The following ADARB2 variants were observed in gnomAD, a reference collection of about 807,000 sequenced individuals.
ADARB2 encodes the protein inactive double-stranded RNA-specific editase B2.
ADARB2 carries 25 observed loss-of-function variants against 62.2 expected under a neutral mutation model. The observed-to-expected ratio is 0.40, with a 90% CI of 0.29 to 0.56. The LOEUF (loss-of-function observed/expected upper bound fraction) is 0.56. Ranked by LOEUF, ADARB2 falls within the 20% of genes least tolerant of loss-of-function variation. The probability of loss-of-function intolerance (pLI) is 0.43; values close to 1 mark genes in which losing one functional copy is unlikely to be tolerated. For missense variants in ADARB2, 1,071 were observed against 1,077.4 expected (o/e 0.99, Z 0.08); for synonymous variants, 572 against 500.8 (o/e 1.14, Z -1.90).
intron 3 of ADARB2, among the ~76,000 whole-genome samples, chr10:1,308,016 C>A (rs1323596106): frequency 1.3e-5 from 2 of 148,748 alleles, no homozygotes; most frequent in African/African-American, 5.0e-5. Flanking sequence ...ACCAGCATGG[C>A]ACATGTATAC....
intron 1 of ADARB2, among the ~76,000 whole-genome samples, chr10:1,697,684 A>G (rs1031042224): frequency 1.3e-5 from 2 of 152,136 alleles, no homozygotes; most frequent in Non-Finnish European, 2.9e-5. Flanking sequence ...CTCCCTCTGC[A>G]TGCTCCCAGG....
intron 1 of ADARB2, among the ~76,000 whole-genome samples, chr10:1,442,970 A>C (rs1830923052): frequency 6.6e-6 from 1 of 152,236 alleles, no homozygotes; most frequent in Admixed American, 6.5e-5. Flanking sequence ...AGTAAAGTAA[A>C]TGAGATGGGA....
At chr10:1,380,013 A>G (rs34788429) in intron 1 of ADARB2, among the ~76,000 whole-genome samples, 42,205 of 152,212 alleles carry the variant, frequency 0.28, 6,929 homozygotes, top group Non-Finnish European at 0.37. Context: ...AAAGGGATCC[A>G]AAAGAAAAGC....
chr10:1,374,622 G>A (rs1233917342), intron 2 of ADARB2, among the ~76,000 whole-genome samples: 1 of 152,276 alleles, frequency 6.6e-6, no homozygotes, highest in Non-Finnish European at 1.5e-5. Context: ...CCCTCTGCCC[G>A]CCGTATGCAG....
intron 1 of ADARB2, among the ~76,000 whole-genome samples, chr10:1,526,129 A>G (rs1320856747): frequency 6.6e-6 from 1 of 152,032 alleles, no homozygotes; most frequent in African/African-American, 2.4e-5. Flanking sequence ...CCTTGTTCTA[A>G]GGCAGCAGGG....
At chr10:1,220,024 ATGG>A (rs1445086643) in intron 6 of ADARB2, among the ~76,000 whole-genome samples, 8 of 127,292 alleles carry the variant, frequency 6.3e-5, no homozygotes, top group Admixed American at 2.3e-4. Context: ...GATGGTGATG[ATGG>A]TGGTGATGAT....
chr10:1,609,897 C>T (rs532106882), intron 1 of ADARB2, among the ~76,000 whole-genome samples: 3 of 152,334 alleles, frequency 2.0e-5, no homozygotes, highest in South Asian at 2.1e-4. Flanking sequence ...AATAGCAGGG[C>T]GCTGACAGTC....
At chr10:1,299,721 C>T (rs546441666) in intron 3 of ADARB2, among the ~76,000 whole-genome samples, 2 of 152,174 alleles carry the variant, frequency 1.3e-5, no homozygotes, top group Non-Finnish European at 2.9e-5. Context: ...ACTCTTCTGC[C>T]CCTGGGCTTC....
chr10:1,442,601 A>G (rs1206623359), intron 1 of ADARB2, among the ~76,000 whole-genome samples: 1 of 152,208 alleles, frequency 6.6e-6, no homozygotes, highest in African/African-American at 2.4e-5. Context: ...CCCCGACAAT[A>G]AACATTCTTA....
chr10:1,287,313 T>A (rs1831422870), intron 3 of ADARB2, among the ~76,000 whole-genome samples: 8 of 152,256 alleles, frequency 5.3e-5, no homozygotes. Context: ...ATGTGATGTC[T>A]TGATACATAT....
intron 1 of ADARB2, among the ~76,000 whole-genome samples, chr10:1,594,474 C>G (rs1833305499): frequency 6.6e-6 from 1 of 152,088 alleles, no homozygotes; most frequent in South Asian, 2.1e-4. Flanking sequence ...CAGGGCCTTT[C>G]CACCCAGTCT....
intron 1 of ADARB2, among the ~76,000 whole-genome samples, chr10:1,422,960 G>A (rs576543108): frequency 2.0e-5 from 3 of 152,148 alleles, no homozygotes; most frequent in African/African-American, 7.2e-5. Flanking sequence ...GCACCCACCT[G>A]TCTGGTTCTT....
chr10:1,390,952 A>G (rs540309458), intron 1 of ADARB2, among the ~76,000 whole-genome samples: 1 of 152,316 alleles, frequency 6.6e-6, no homozygotes, highest in South Asian at 2.1e-4. Flanking sequence ...TACAGAAAAA[A>G]CAGGATATAC....
At chr10:1,431,957 C>T (rs1830780961) in intron 1 of ADARB2, among the ~76,000 whole-genome samples, 1 of 152,058 alleles carries the variant, frequency 6.6e-6, no homozygotes, top group South Asian at 2.1e-4. Context: ...TTAAAATCTC[C>T]CAGGAAAGAA....
intron 4 of ADARB2, among the ~76,000 whole-genome samples, chr10:1,246,051 CTCAT>C (rs1437962754): frequency 2.0e-5 from 3 of 151,626 alleles, no homozygotes; most frequent in Non-Finnish European, 4.4e-5. Flanking sequence ...GAGATGGTAT[CTCAT>C]TGTGGTTTTG....
At chr10:1,341,629 A>G (rs1291984686) in intron 3 of ADARB2, among the ~76,000 whole-genome samples, 1 of 151,824 alleles carries the variant, frequency 6.6e-6, no homozygotes, top group Non-Finnish European at 1.5e-5. Context: ...AGCATCCACC[A>G]GAGAACAACG....
At position 1,465,953 on chromosome 10, in the gene ADARB2, C is replaced by T. The variant is rs1831250415; in HGVS notation, c.101-86793G>A. 2.0e-5 allele frequency among the ~76,000 whole-genome samples: 3 copies of T among 152,260 alleles called. No individual in the cohort carries two copies. In the South Asian group the frequency reaches 6.2e-4, roughly 31 times the overall value. On this transcript the variant is annotated intron_variant, in intron 1 of 9. Transcript: ENST00000381312. ...CTCTGTTGCAATAAACTGCTTTCTA[C>T]TTCTGTGTGTCTCTTTAAATTCTTA... is the stretch of plus-strand genomic sequence containing the variant.
rs78064449 is a variant in ADARB2, at chr10:1,727,674, A to G, written c.100+9377T>C. Among the ~76,000 whole-genome samples, 1,008 of 152,330 alleles carry G rather than the reference A, an allele frequency of 6.6e-3. 40 individuals carry two copies. In the East Asian group the frequency reaches 0.1, roughly 15 times the overall value. On this transcript the variant is annotated intron_variant, in intron 1 of 9. Transcript: ENST00000381312. ...AATAGAAATCTATTTTTGTAAGCCC[A>G]TCTGATGATAATTTATATATATATA...
intron 1 of ADARB2, among the ~76,000 whole-genome samples, chr10:1,440,972 A>G (rs990241984): frequency 6.6e-6 from 1 of 152,262 alleles, no homozygotes; most frequent in African/African-American, 2.4e-5. Flanking sequence ...AGCACTATTC[A>G]TTCACAACAC....
Sources: allele counts gnomAD v4.1 joint callset (sites outside exome capture counted in the v4.1 genomes callset), GRCh38; gene constraint gnomAD v4.1.1; transcripts MANE v1.5; gene names NCBI Gene and HGNC (gene_info 2026-07-23, HGNC 2026-07-21).